BPTF: variants seen among roughly 807,000 people sequenced by gnomAD.
BPTF encodes the protein bromodomain PHD finger transcription factor, also known as nucleosome-remodeling factor subunit BPTF.
In BPTF, 18 loss-of-function variants were observed where a neutral mutation model predicts 292.5. The observed-to-expected ratio is 0.06, with a 90% CI of 0.04 to 0.09. The LOEUF (loss-of-function observed/expected upper bound fraction) is 0.09. Ranked by LOEUF, BPTF falls within the 10% of genes least tolerant of loss-of-function variation. BPTF has a pLI of 1.00. For synonymous variants in BPTF, 1,225 were observed against 1,251.9 expected (o/e 0.98, Z 0.45); for missense variants, 2,726 against 3,498.7 (o/e 0.78, Z 5.57).
chr17:67,827,127 T>C (rs368077252), intron 1 of BPTF, among the ~76,000 whole-genome samples: 2 of 152,218 alleles, frequency 1.3e-5, no homozygotes, highest in Non-Finnish European at 2.9e-5. Flanking sequence ...CTTAACTCAT[T>C]TGATCGCTTT....
In BPTF at chr17:67,913,149, A is replaced by C. The variant is rs765204076; in HGVS notation, c.5265A>C (p.Pro1755=). Residue 1755 remains proline, a synonymous_variant, in exon 11 of 28, where the codon CCA becomes CCC. Coordinates refer to ENST00000306378, the MANE Select transcript of BPTF (RefSeq NM_182641.4). The stretch of plus-strand genomic sequence containing the variant: ...CAAAACCTGCTTTGGATATATGGCC[A>C]TATCCTTCTCCTAGACCGACCTTTG... ...YNAKPALDIW[P]YPSPRPTFGI... The C allele has an allele frequency of 1.0e-4, 161 of 1,612,956 alleles. No individual in the cohort carries two copies. Among genetic ancestry groups the C allele is most frequent in the Non-Finnish European group, 1.3e-4 (158 of 1,179,674 alleles).
At chr17:67,937,429 C>T (rs1247665677) in intron 18 of BPTF, among the ~76,000 whole-genome samples, 2 of 149,740 alleles carry the variant, frequency 1.3e-5, no homozygotes, top group Non-Finnish European at 3.0e-5. Flanking sequence ...AGGGGAGGAA[C>T]GATAATGTTT....
At chr17:67,870,771 T>TC (rs1304021282) in intron 3 of BPTF, among the ~76,000 whole-genome samples, 2 of 129,934 alleles carry the variant, frequency 1.5e-5, no homozygotes, top group Non-Finnish European at 3.2e-5. Context: ...CATTTCTTTT[T>TC]TTTTTTTTTT....
chr17:67,959,658 G>GCCCCCCCCCCCCCCCCCC lies in BPTF; in HGVS notation c.8048_8049insCCCCCCCCCCCCCCCCCC (p.Pro2685_Ser2686insProProProProProPro). On this transcript the variant is annotated inframe_insertion, in exon 24 of 28. Coordinates refer to ENST00000306378, the MANE Select transcript of BPTF (RefSeq NM_182641.4). ...GACACCAGCTCCTCCAGCCCCTCCA[G>GCCCCCCCCCCCCCCCCCC]CCCCTCCACCTTCACCTCCCCCTCC... 1.3e-6 allele frequency: 2 copies of GCCCCCCCCCCCCCCCCCC among 1,595,098 alleles called. No homozygotes were observed. The highest frequency in any genetic ancestry group is 1.7e-6 in the Non-Finnish European group (2 of 1,171,362).
chr17:67,896,226 T>G (rs558268093), intron 7 of BPTF, among the ~76,000 whole-genome samples: 124 of 152,328 alleles, frequency 8.1e-4, no homozygotes, highest in Middle Eastern at 6.8e-3. Context: ...CCTCCCAAAG[T>G]GCTGGGATTA....
chr17:67,906,065 GT>G (rs1040395793), intron 9 of BPTF, among the ~76,000 whole-genome samples: 3 of 151,414 alleles, frequency 2.0e-5, no homozygotes, highest in African/African-American at 2.4e-5. Flanking sequence ...AAATAATGAG[GT>G]TTTTTTTGGG....
chr17:67,923,667 A>G (rs1237046351), intron 14 of BPTF, among the ~76,000 whole-genome samples: 1 of 147,756 alleles, frequency 6.8e-6, no homozygotes, highest in Non-Finnish European at 1.5e-5. Flanking sequence ...TTTAGTAGAG[A>G]CGGGGTTTCA....
rs1220662657 is a variant in BPTF at position 67,922,970 on chromosome 17, G to C, written c.5688G>C (p.Glu1896Asp). ...WVAEEELELW[E>D]IRAFAERVEK... ...CAGAAGAAGAACTGGAATTGTGGGAGATCAGGGCATTTGCTGAGAGGTAAG... is the reference window on the plus strand; with the variant it reads ...CAGAAGAAGAACTGGAATTGTGGGACATCAGGGCATTTGCTGAGAGGTAAG... Residue 1896 changes from glutamate (E) to aspartate (D), a missense_variant, in exon 14 of 28, where the codon GAG (glutamate) becomes GAC (aspartate). By Grantham distance (45) the Glu-to-Asp change is conservative (BLOSUM62 2). This residue lies in a region of BPTF where 198 missense variants were observed against 277.1 expected (regional missense o/e 0.71). Transcript: ENST00000306378. The C allele has an allele frequency of 6.2e-7, 1 of 1,613,570 alleles. No homozygotes were observed. Among genetic ancestry groups the C allele is most frequent in the Non-Finnish European group, 8.5e-7 (1 of 1,179,908 alleles).
In BPTF at chr17:67,854,673, C is replaced by G; in HGVS notation, c.1347C>G (p.Ile449Met). The change falls in exon 2 of 28, where the codon ATC (isoleucine) becomes ATG (methionine). Residue 449 changes from isoleucine to methionine, a missense_variant. Transcript: ENST00000306378. The surrounding 1 kb of genome is among the most constrained non-coding windows in gnomAD (Gnocchi z 5.6). ...GTGTGACTGACTGTGTTGCTGAAAT[C>G]CAAAAAAATAAACCATATATTCGAC... Reference protein sequence around the residue: ...VPGVTDCVAEIQKNKPYIRHE... With the variant: ...VPGVTDCVAEMQKNKPYIRHE... 1 of 1,613,894 alleles carries G rather than the reference C, an allele frequency of 6.2e-7. No homozygotes were observed. The highest frequency in any genetic ancestry group is 8.5e-7 in the Non-Finnish European group (1 of 1,179,934).
intron 2 of BPTF, among the ~76,000 whole-genome samples, chr17:67,865,367 G>A (rs774515614): frequency 3.3e-5 from 5 of 151,982 alleles, no homozygotes; most frequent in Non-Finnish European, 7.4e-5. Flanking sequence ...AACATTTATT[G>A]ATCACTGGTG....
At chr17:67,902,910 A>C (rs2061944843) in intron 7 of BPTF, among the ~76,000 whole-genome samples, 1 of 152,214 alleles carries the variant, frequency 6.6e-6, no homozygotes, top group Non-Finnish European at 1.5e-5. Context: ...TAGAGACAAG[A>C]GCTCCTTTCT....
intron 18 of BPTF, among the ~76,000 whole-genome samples, chr17:67,935,017 C>T (rs1279903269): frequency 6.6e-6 from 1 of 152,018 alleles, no homozygotes; most frequent in Non-Finnish European, 1.5e-5. Flanking sequence ...TCAGTTTATT[C>T]AATACATATT....
At position 67,825,812 on chromosome 17, in the gene BPTF, C is replaced by T; in HGVS notation, c.88C>T (p.Pro30Ser). Reference protein sequence around the residue: ...CAPAPPPPPPPPTSGPIGGLR... With the variant: ...CAPAPPPPPPSPTSGPIGGLR... Reference sequence around the variant, plus strand: ...CCCGGCCCCGCCGCCACCGCCGCCGCCGCCCACGTCCGGACCCATCGGGGG... The same window carrying T: ...CCCGGCCCCGCCGCCACCGCCGCCGTCGCCCACGTCCGGACCCATCGGGGG... The change falls in exon 1 of 28, where the codon CCG (proline) becomes TCG (serine). Residue 30 changes from proline to serine, a missense_variant. By Grantham distance (74) the Pro-to-Ser change is moderately conservative. This residue lies in a region of BPTF where 31 missense variants were observed against 53.6 expected (regional missense o/e 0.58). Transcript: ENST00000306378. 9.8e-7 allele frequency: 1 copy of T among 1,024,936 alleles called. No homozygotes were observed. Among genetic ancestry groups the T allele is most frequent in the Non-Finnish European group, 1.2e-6 (1 of 857,860 alleles). The allele number at this position is 1,024,936 out of a possible 1,614,324, so 63.5% of individuals were successfully genotyped here.
Position 67,874,849 on chromosome 17 carries a change from G to A in BPTF, c.1693G>A (p.Gly565Arg). ...TTTGGAATCCATAAGAGCCAAAAAG[G>A]GAGACATTGATAATGTTAAAAGCCC... is the stretch of plus-strand genomic sequence containing the variant. ...EILESIRAKK[G>R]DIDNVKSPEE... Residue 565 changes from glycine (G) to arginine (R), a missense_variant, in exon 4 of 28, where the codon GGA becomes AGA. By Grantham distance (125) the Gly-to-Arg change is moderately radical. Coordinates refer to ENST00000306378, the MANE Select transcript of BPTF (RefSeq NM_182641.4). 1 of 1,613,050 alleles carries A rather than the reference G, an allele frequency of 6.2e-7. No individual in the cohort carries two copies. The highest frequency in any genetic ancestry group is 1.7e-5 in the Admixed American group (1 of 59,832).
At chr17:67,968,993 A>G (rs565622281) in intron 26 of BPTF, among the ~76,000 whole-genome samples, 3 of 150,904 alleles carry the variant, frequency 2.0e-5, no homozygotes, top group Admixed American at 2.0e-4. Flanking sequence ...AAAAAATAAA[A>G]AATAAACAAA....
At chr17:67,942,680 G>C (rs8071645) in intron 19 of BPTF, among the ~76,000 whole-genome samples, 142,072 of 152,214 alleles carry the variant, frequency 0.93, 67,111 homozygotes, top group East Asian at 1. Context: ...CATAAATATT[G>C]GTAGCAGCAT....
At chr17:67,922,697 C>G in intron 13 of BPTF, 143 bp from the exon 14 acceptor site, 1 of 851,544 alleles carries the variant, frequency 1.2e-6, no homozygotes, top group African/African-American at 1.7e-5. Context: ...TTTCATGATA[C>G]AAAGGCACAG....
At chr17:67,889,910 C>T (rs1269234130) in intron 4 of BPTF, among the ~76,000 whole-genome samples, 1 of 152,142 alleles carries the variant, frequency 6.6e-6, no homozygotes, top group East Asian at 1.9e-4. Context: ...TGCTTTCCAG[C>T]CTGGGGTGGC....
At chr17:67,929,706 A>T (rs1157740231) in intron 17 of BPTF, among the ~76,000 whole-genome samples, 1 of 152,260 alleles carries the variant, frequency 6.6e-6, no homozygotes, top group East Asian at 1.9e-4. Context: ...AGTATGGTTT[A>T]TGAAGAATAA....
Sources: gnomAD v4.1 joint callset for allele counts (sites outside exome capture counted in the v4.1 genomes callset) on GRCh38, gnomAD v4.1.1 for gene constraint, gnomAD v4.1.1 regional missense constraint, Gnocchi (gnomAD v3.1) non-coding constraint, MANE v1.5 for transcripts, NCBI Gene and HGNC (gene_info 2026-07-23, HGNC 2026-07-21) for gene names.